The following KIR2DL3 variants were observed in gnomAD, a reference collection of about 807,000 sequenced individuals.
KIR2DL3 encodes the protein killer cell immunoglobulin like receptor, two Ig domains and long cytoplasmic tail 3.
In KIR2DL3, 39 loss-of-function variants were observed where a neutral mutation model predicts 33.8. The ratio of observed to expected loss-of-function variants is 1.15; its 90% CI spans 0.89 to 1.51. The LOEUF (loss-of-function observed/expected upper bound fraction) is 1.51. Ranked by LOEUF, KIR2DL3 falls within the 40% of genes most tolerant of loss-of-function variation. The pLI, the probability that KIR2DL3 is intolerant of heterozygous loss-of-function variation, is 0.00. For synonymous variants in KIR2DL3, 174 were observed against 160.2 expected (o/e 1.09, Z -0.65); for missense variants, 462 against 426.2 (o/e 1.08, Z -0.74).
Position 54,744,066 on chromosome 19 carries a change from C to G in KIR2DL3, c.642C>G (p.Asp214Glu). 13 of 1,614,230 alleles carry G rather than the reference C, an allele frequency of 8.1e-6. No homozygotes were observed. The highest frequency in any genetic ancestry group is 1.1e-5 in the Non-Finnish European group (13 of 1,180,050). Reference sequence around the variant, plus strand: ...CATACGAGTGGTCAAACTCGAGTGACCCACTGCTTGTTTCTGTCACAGGTG... The same window carrying G: ...CATACGAGTGGTCAAACTCGAGTGAGCCACTGCTTGTTTCTGTCACAGGTG... ...DSPYEWSNSS[D>E]PLLVSVTGNP... Residue 214 changes from aspartate to glutamate, a missense_variant, in exon 4 of 8, where the codon GAC becomes GAG. Asp to Glu is a conservative substitution (Grantham distance 45). Coordinates refer to ENST00000342376, the MANE Select transcript of KIR2DL3 (RefSeq NM_015868.3).
chr19:54,745,130 A>T (rs533883011), intron 4 of KIR2DL3, among the ~76,000 whole-genome samples: 4,331 of 151,218 alleles, frequency 0.029, 84 homozygotes, highest in Non-Finnish European at 0.042. Context: ...TCAGGATGTT[A>T]TTCTTTCTAT....
chr19:54,752,645 G>C lies in KIR2DL3; in HGVS notation c.*126G>C, dbSNP rs1555926477. On this transcript the variant is annotated 3_prime_UTR_variant, in exon 8 of 8. Coordinates refer to ENST00000342376, the MANE Select transcript of KIR2DL3 (RefSeq NM_015868.3). Reference sequence around the variant, plus strand: ...GTACCAGCAGCTGGAATCTGAAGGCGTGAGTCTGCATCTTAGGGCATCGCT... The same window carrying C: ...GTACCAGCAGCTGGAATCTGAAGGCCTGAGTCTGCATCTTAGGGCATCGCT... The C allele has an allele frequency of 6.7e-6, 8 of 1,195,396 alleles. No homozygotes were observed. The East Asian group carries it at 1.2e-4, about 17-fold the overall frequency. 74.0% of individuals were successfully genotyped at this position (1,195,396 alleles called of 1,614,324 possible).
chr19:54,750,288 T>C (rs76573907), intron 5 of KIR2DL3, among the ~76,000 whole-genome samples: 11,055 of 110,184 alleles, frequency 0.1, 934 homozygotes, highest in South Asian at 0.19. Context: ...CAGAGATCAG[T>C]GCCAGCACTA....
intron 4 of KIR2DL3, among the ~76,000 whole-genome samples, chr19:54,744,741 G>T (rs1306683694): frequency 1.3e-5 from 2 of 149,968 alleles, no homozygotes; most frequent in East Asian, 2.0e-4. Context: ...TGGTCGAGCT[G>T]GTCTCCAACT....
chr19:54,751,752 A>T lies in KIR2DL3; in HGVS notation c.819A>T (p.Lys273Asn), dbSNP rs374378918. The part of the protein sequence containing the change: ...FLLHRWCCNK[K>N]NAVVMDQEPA... ...TTCATCGCTGGTGCTGCAACAAAAA[A>T]AGTAAGTCTCACGAAGCAGAGGCCA... The change falls in exon 6 of 8, where the codon AAA becomes AAT. Residue 273 changes from lysine to asparagine, a missense_variant and splice_region_variant. Transcript: ENST00000342376. 1 of 1,456,542 alleles carries T rather than the reference A, an allele frequency of 6.9e-7. No homozygotes were observed. The highest frequency in any genetic ancestry group is 9.3e-7 in the Non-Finnish European group (1 of 1,073,538). The allele number at this position is 1,456,542 out of a possible 1,614,324, so 90.2% of individuals were successfully genotyped here.
rs186767208 is a variant in KIR2DL3, at chr19:54,745,843, G to A, written c.665-1492G>A. Among the ~76,000 whole-genome samples the A allele has an allele frequency of 8.7e-3, 1,269 of 145,510 alleles. 33 individuals carry two copies. The highest frequency in any genetic ancestry group is 0.03 in the African/African-American group (1,185 of 39,808). On this transcript the variant is annotated intron_variant, in intron 4 of 7. Coordinates refer to ENST00000342376, the MANE Select transcript of KIR2DL3 (RefSeq NM_015868.3). ...TCATTTTATTTTGAGATGGAGTTTC[G>A]CTCTTGTCACCCAGGCTGGAGTGCA...
At chr19:54,743,285 A>G (rs2071536359) in intron 3 of KIR2DL3, among the ~76,000 whole-genome samples, 1 of 152,192 alleles carries the variant, frequency 6.6e-6, no homozygotes. Context: ...ATACGTACAG[A>G]TAGAGAGGCA....
At chr19:54,740,905 C>T (rs181210351) in intron 2 of KIR2DL3, among the ~76,000 whole-genome samples, 81 of 151,946 alleles carry the variant, frequency 5.3e-4, no homozygotes, top group Non-Finnish European at 1.0e-3. Context: ...CAGTGGAAGT[C>T]TTCACCAGCT....
intron 5 of KIR2DL3, among the ~76,000 whole-genome samples, chr19:54,748,197 G>A (rs1412469268): frequency 6.6e-6 from 1 of 151,490 alleles, no homozygotes; most frequent in Non-Finnish European, 1.5e-5. Flanking sequence ...GCATCACTCA[G>A]TGCCTTCTTC....
intron 5 of KIR2DL3, among the ~76,000 whole-genome samples, chr19:54,748,714 T>G (rs2072955268): frequency 7.0e-6 from 1 of 143,484 alleles, no homozygotes; most frequent in East Asian, 2.0e-4. Context: ...CTGCGTCTCC[T>G]GGATTCAAGT....
At chr19:54,741,132 G>A (rs1477867548) in intron 2 of KIR2DL3, among the ~76,000 whole-genome samples, 2 of 151,202 alleles carry the variant, frequency 1.3e-5, no homozygotes, top group African/African-American at 4.9e-5. Flanking sequence ...TTCTACAGCA[G>A]CAACAGGAAA....
chr19:54,752,221 G>A lies in KIR2DL3; in HGVS notation c.826G>A (p.Val276Ile). 4 of 1,458,038 alleles carry A rather than the reference G, an allele frequency of 2.7e-6. No individual in the cohort carries two copies. The East Asian group carries it at 6.8e-5, about 25-fold the overall frequency. 90.3% of individuals were successfully genotyped at this position (1,458,038 alleles called of 1,614,324 possible). ...HRWCCNKKNA[V>I]VMDQEPAGNR... ...TTGACTTCCGTCTTCTACAGATGCT[G>A]TTGTAATGGACCAAGAGCCTGCAGG... Residue 276 changes from valine to isoleucine, a missense_variant, in exon 7 of 8, where the codon GTT (valine) becomes ATT (isoleucine). Val to Ile is a conservative substitution (Grantham distance 29, BLOSUM62 3). Coordinates refer to ENST00000342376, the MANE Select transcript of KIR2DL3 (RefSeq NM_015868.3).
chr19:54,744,942 A>C (rs1256902217), intron 4 of KIR2DL3, among the ~76,000 whole-genome samples: 44 of 24,222 alleles, frequency 1.8e-3, no homozygotes, highest in African/African-American at 5.3e-3. Flanking sequence ...ATATATATAT[A>C]TATATATATA....
At position 54,750,545 on chromosome 19, in the gene KIR2DL3, G is replaced by A. The variant is rs1175674696; in HGVS notation, c.716-1104G>A. ...CTTTTGTTTCCTTTTCTTGGAGAAT[G>A]CAAGTTGTTTGATTCAAGAATGCTG... On this transcript the variant is annotated intron_variant, in intron 5 of 7. Transcript: ENST00000342376. Among the ~76,000 whole-genome samples the A allele has an allele frequency of 1.0e-4, 14 of 137,398 alleles. 2 individuals are homozygous for A. The highest frequency in any genetic ancestry group is 1.4e-4 in the Non-Finnish European group (9 of 62,576). The allele number at this position is 137,398 out of a possible 152,430, so 90.1% of individuals were successfully genotyped here.
rs1353734771 is a variant in KIR2DL3, at chr19:54,751,725, C to T, written c.792C>T (p.Leu264=). The T allele has an allele frequency of 6.8e-7, 1 of 1,471,926 alleles. No individual in the cohort carries two copies. The highest frequency in any genetic ancestry group is 1.8e-5 in the Admixed American group (1 of 54,812). 91.2% of individuals were successfully genotyped at this position (1,471,926 alleles called of 1,614,324 possible). Reference sequence around the variant, plus strand: ...TCTTCATCCTCCTCCTCTTCTTTCTCCTTCATCGCTGGTGCTGCAACAAAA... The same window carrying T: ...TCTTCATCCTCCTCCTCTTCTTTCTTCTTCATCGCTGGTGCTGCAACAAAA... ...IILFILLLFF[L]LHRWCCNKKN... Residue 264 remains leucine, a synonymous_variant, in exon 6 of 8, where the codon CTC becomes CTT. Transcript: ENST00000342376.
In KIR2DL3 at chr19:54,742,297, T is replaced by C. The variant is rs1386626939; in HGVS notation, c.370+18T>C. On this transcript the variant is annotated intron_variant, in intron 3 of 7. Coordinates refer to ENST00000342376, the MANE Select transcript of KIR2DL3 (RefSeq NM_015868.3). ...CATCACAGGTGAGAGTGTCCGGACA[T>C]TCTCATTGTCATTGGGATGCAGAGT... 6.2e-7 allele frequency: 1 copy of C among 1,612,974 alleles called. No individual in the cohort carries two copies. The highest frequency in any genetic ancestry group is 1.7e-5 in the Admixed American group (1 of 59,908).
intron 2 of KIR2DL3, among the ~76,000 whole-genome samples, chr19:54,741,464 C>A (rs1282740006): frequency 5.1e-4 from 78 of 152,148 alleles, no homozygotes; most frequent in African/African-American, 1.3e-3. Flanking sequence ...GATACTCCTC[C>A]AACCAGCACC....
chr19:54,743,167 T>G (rs1163043232), intron 3 of KIR2DL3, among the ~76,000 whole-genome samples: 1 of 151,800 alleles, frequency 6.6e-6, no homozygotes, highest in African/African-American at 2.4e-5. Context: ...TAGATATAGA[T>G]AGATGATAAA....
chr19:54,750,611 C>G (rs2073272759), intron 5 of KIR2DL3, among the ~76,000 whole-genome samples: 1 of 137,328 alleles, frequency 7.3e-6, no homozygotes, highest in Non-Finnish European at 1.6e-5. Context: ...GTGTATCAAT[C>G]CCAGTGCAGT....
Sources: gnomAD v4.1 joint callset for allele counts (sites outside exome capture counted in the v4.1 genomes callset) on GRCh38, gnomAD v4.1.1 for gene constraint, MANE v1.5 for transcripts, NCBI Gene and HGNC (gene_info 2026-07-23, HGNC 2026-07-21) for gene names.